The following MME variants were observed in gnomAD, a reference collection of about 807,000 sequenced individuals.
MME encodes the protein neprilysin.
In MME, 98 loss-of-function variants were observed where a neutral mutation model predicts 113.2. The ratio of observed to expected loss-of-function variants is 0.87; its 90% CI spans 0.74 to 1.02. MME has a LOEUF of 1.02. MME is among the 50% of genes least tolerant of loss of function. The pLI, the probability that MME is intolerant of heterozygous loss-of-function variation, is 0.00. For missense variants in MME, 836 were observed against 896.0 expected (o/e 0.93, Z 0.86); for synonymous variants, 292 against 300.6 (o/e 0.97, Z 0.30).
chr3:155,116,384 CT>C, intron 4 of MME, 94 bp from the exon 5 acceptor site: 1 of 943,502 alleles, frequency 1.1e-6, no homozygotes, highest in South Asian at 1.3e-5. Flanking sequence ...ACTGAACCCA[CT>C]TTGCAAATGT....
intron 1 of MME, among the ~76,000 whole-genome samples, chr3:155,057,257 AC>A (rs1211763943): frequency 1.3e-5 from 2 of 152,184 alleles, no homozygotes; most frequent in African/African-American, 4.8e-5. Flanking sequence ...CAAGAAAAAA[AC>A]AAACAGCCCC....
rs1713117421 is a variant in MME, at chr3:155,181,791, TTA to T, written c.*1333_*1334del. 1 of 152,138 alleles carries T rather than the reference TTA, an allele frequency of 6.6e-6. No homozygotes were observed. Among genetic ancestry groups the T allele is most frequent in the Admixed American group, 6.6e-5 (1 of 15,266 alleles). 9.4% of individuals were successfully genotyped at this position (152,138 alleles called of 1,614,324 possible). A position where few individuals can be genotyped will look rare whatever the true frequency, so the allele number is the denominator to read the frequency against. ...TTGACTATTTTCGTTCATTACTTGA[TTA>T]AGATTTTACAAAAGAGGAGCACTTC... On this transcript the variant is annotated 3_prime_UTR_variant, in exon 23 of 23. Coordinates refer to ENST00000360490, the MANE Select transcript of MME (RefSeq NM_007289.4).
chr3:155,084,937 G>A (rs935081340), intron 2 of MME, 122 bp from the exon 3 acceptor site: 3 of 631,846 alleles, frequency 4.7e-6, no homozygotes, highest in East Asian at 2.9e-5. Flanking sequence ...ATAATGTTCA[G>A]TTTTTAGTTC....
At chr3:155,108,874 T>A (rs1717924896) in intron 3 of MME, among the ~76,000 whole-genome samples, 1 of 152,110 alleles carries the variant, frequency 6.6e-6, no homozygotes, top group Admixed American at 6.5e-5. Context: ...AAACTATTGG[T>A]AATGTTGGAA....
chr3:155,123,674 A>G (rs1189931221), intron 8 of MME, among the ~76,000 whole-genome samples: 1 of 45,920 alleles, frequency 2.2e-5, no homozygotes, highest in African/African-American at 8.2e-5. Flanking sequence ...TCCTTCACTT[A>G]TGAAGCTTAG....
intron 16 of MME, among the ~76,000 whole-genome samples, chr3:155,152,091 C>G (rs964224334): frequency 1.3e-5 from 2 of 152,142 alleles, no homozygotes; most frequent in Non-Finnish European, 2.9e-5. Flanking sequence ...TCATACCCCA[C>G]ACTAGCACTC....
intron 1 of MME, among the ~76,000 whole-genome samples, chr3:155,062,585 A>G (rs1302596896): frequency 6.6e-6 from 1 of 152,366 alleles, no homozygotes; most frequent in East Asian, 1.9e-4. Flanking sequence ...AACAAGGCAC[A>G]TGAGAATAAA....
chr3:155,155,969 T>C (rs546171997), intron 16 of MME, among the ~76,000 whole-genome samples: 1 of 152,326 alleles, frequency 6.6e-6, no homozygotes, highest in Admixed American at 6.5e-5. Flanking sequence ...CATTACCTTT[T>C]GTTGAAAGAG....
At chr3:155,163,012 C>CA (rs57700088) in intron 17 of MME, among the ~76,000 whole-genome samples, 27,978 of 78,016 alleles carry the variant, frequency 0.36, 3,526 homozygotes, top group Middle Eastern at 0.45. Flanking sequence ...AACTCTGTCT[C>CA]AAAAAAAAAA....
At chr3:155,159,957 A>C (rs1722595515) in intron 16 of MME, among the ~76,000 whole-genome samples, 2 of 152,068 alleles carry the variant, frequency 1.3e-5, no homozygotes, top group African/African-American at 2.4e-5. Context: ...TAAACCAGGA[A>C]TTAACTATTT....
At chr3:155,101,848 C>A (rs1717257826) in intron 3 of MME, among the ~76,000 whole-genome samples, 1 of 152,154 alleles carries the variant, frequency 6.6e-6, no homozygotes, top group Admixed American at 6.5e-5. Context: ...AGTCAAACCA[C>A]TTCTACCAGA....
At chr3:155,173,572 G>GTCATCATCA (rs71624560) in intron 22 of MME, among the ~76,000 whole-genome samples, 18 of 149,986 alleles carry the variant, frequency 1.2e-4, no homozygotes, top group African/African-American at 4.2e-4. Flanking sequence ...TATCATCGTT[G>GTCATCATCA]TCATCATCAT....
At chr3:155,056,175 T>C (rs912831802) in intron 1 of MME, among the ~76,000 whole-genome samples, 4 of 152,182 alleles carry the variant, frequency 2.6e-5, no homozygotes, top group African/African-American at 9.7e-5. Flanking sequence ...GCATCCTTTT[T>C]TTAAATTTTA....
intron 1 of MME, among the ~76,000 whole-genome samples, chr3:155,059,841 T>C (rs1295904903): frequency 7.2e-5 from 11 of 152,172 alleles, no homozygotes; most frequent in Non-Finnish European, 1.2e-4. Context: ...AAGATATACA[T>C]ACACATATGT....
chr3:155,064,836 G>C (rs1714335611), intron 1 of MME, among the ~76,000 whole-genome samples: 1 of 152,166 alleles, frequency 6.6e-6, no homozygotes, highest in Non-Finnish European at 1.5e-5. Flanking sequence ...ATTTTCTAGG[G>C]GAGAATCCTT....
chr3:155,163,204 C>A (rs1322827579), intron 17 of MME, among the ~76,000 whole-genome samples: 1 of 151,970 alleles, frequency 6.6e-6, no homozygotes, highest in Non-Finnish European at 1.5e-5. Context: ...CACACATAGA[C>A]ATACAAATAC....
chr3:155,119,867 A>G (rs1176628232), intron 8 of MME, among the ~76,000 whole-genome samples: 1 of 76,054 alleles, frequency 1.3e-5, no homozygotes, highest in Non-Finnish European at 2.4e-5. Context: ...TAATGCCGCA[A>G]TAAACATACA....
chr3:155,150,288 T>C (rs1487206573), intron 16 of MME, among the ~76,000 whole-genome samples: 1 of 152,188 alleles, frequency 6.6e-6, no homozygotes, highest in Non-Finnish European at 1.5e-5. Context: ...AGTTTCATAA[T>C]CATTTTGTCA....
intron 1 of MME, among the ~76,000 whole-genome samples, chr3:155,024,876 T>G (rs1005103313): frequency 6.6e-6 from 1 of 152,212 alleles, no homozygotes; most frequent in South Asian, 2.1e-4. Context: ...GAATTACTGC[T>G]GCAGGAAGTA....
Sources: allele counts gnomAD v4.1 joint callset (sites outside exome capture counted in the v4.1 genomes callset), GRCh38; gene constraint gnomAD v4.1.1; transcripts MANE v1.5; gene names NCBI Gene and HGNC (gene_info 2026-07-23, HGNC 2026-07-21).